EFNA5: variants seen among roughly 807,000 people sequenced by gnomAD.
EFNA5 encodes the protein ephrin A5.
A neutral mutation model predicts 22.9 loss-of-function variants in EFNA5; 5 were observed. That is an observed-to-expected ratio of 0.22 (90% CI 0.11 to 0.46). EFNA5 has a LOEUF of 0.46. Ranked by LOEUF, EFNA5 falls within the 20% of genes least tolerant of loss-of-function variation. EFNA5 has a pLI of 0.99. For missense variants in EFNA5, 237 were observed against 293.3 expected (o/e 0.81, Z 1.40); for synonymous variants, 113 against 112.2 (o/e 1.01, Z -0.04).
intron 1 of EFNA5, among the ~76,000 whole-genome samples, chr5:107,555,187 C>A (rs1338773609): frequency 6.6e-6 from 1 of 152,216 alleles, no homozygotes; most frequent in East Asian, 1.9e-4. Context: ...GCCCACACAC[C>A]AGTTCACATA....
intron 2 of EFNA5, among the ~76,000 whole-genome samples, chr5:107,407,535 A>G (rs1169849003): frequency 6.6e-6 from 1 of 152,194 alleles, no homozygotes; most frequent in Admixed American, 6.5e-5. Flanking sequence ...GGCCAGGGAC[A>G]CTTATCAAAA....
intron 1 of EFNA5, among the ~76,000 whole-genome samples, chr5:107,439,930 T>C (rs1749213211): frequency 6.6e-6 from 1 of 152,246 alleles, no homozygotes; most frequent in African/African-American, 2.4e-5. Context: ...CGAGGTACTT[T>C]GTTAACACCA....
At chr5:107,601,589 T>C (rs530404933) in intron 1 of EFNA5, among the ~76,000 whole-genome samples, 1 of 152,210 alleles carries the variant, frequency 6.6e-6, no homozygotes, top group South Asian at 2.1e-4. Context: ...ACCATCTTTT[T>C]AAAGAAAATA....
rs1329470809 is a variant in EFNA5, at chr5:107,630,520, A to C, written c.125+39969T>G. On this transcript the variant is annotated intron_variant, in intron 1 of 4. Coordinates refer to ENST00000333274, the MANE Select transcript of EFNA5 (RefSeq NM_001962.3). ...TTATAAAAAGATTAAAAAATGGTACACCTATATAGAACATTACCATGAATG... is the reference window on the plus strand; with the variant it reads ...TTATAAAAAGATTAAAAAATGGTACCCCTATATAGAACATTACCATGAATG... Among the ~76,000 whole-genome samples, 3 of 152,026 alleles carry C rather than the reference A, an allele frequency of 2.0e-5. No individual in the cohort carries two copies. In the East Asian group the frequency reaches 5.8e-4, roughly 29 times the overall value.
At chr5:107,617,247 G>GAC (rs1749942348) in intron 1 of EFNA5, among the ~76,000 whole-genome samples, 1 of 150,882 alleles carries the variant, frequency 6.6e-6, no homozygotes, top group African/African-American at 2.4e-5. Flanking sequence ...CAGAGAGAGA[G>GAC]AGAGAGAGAG....
rs182961773 is a variant in EFNA5 at position 107,517,097 on chromosome 5, T to C, written c.126-89588A>G. On this transcript the variant is annotated intron_variant, in intron 1 of 4. Coordinates refer to ENST00000333274, the MANE Select transcript of EFNA5 (RefSeq NM_001962.3). ...CTGTAAATACACTAAAATTCATTGA[T>C]TGTACATTTACACCTCATGAATTTT... Among the ~76,000 whole-genome samples, 46 of 152,116 alleles carry C rather than the reference T, an allele frequency of 3.0e-4. 1 individual carries two copies. The East Asian group carries it at 8.5e-3, about 28-fold the overall frequency.
At chr5:107,499,631 G>A (rs541411027) in intron 1 of EFNA5, among the ~76,000 whole-genome samples, 1 of 152,190 alleles carries the variant, frequency 6.6e-6, no homozygotes, top group African/African-American at 2.4e-5. Flanking sequence ...TGGCCTATAT[G>A]TGCACAGAGA....
At chr5:107,635,341 C>G (rs548535520) in intron 1 of EFNA5, among the ~76,000 whole-genome samples, 11 of 152,264 alleles carry the variant, frequency 7.2e-5, no homozygotes, top group Middle Eastern at 3.4e-3. Context: ...CTTGTCTAGG[C>G]AAAACAAGCT....
intron 1 of EFNA5, among the ~76,000 whole-genome samples, chr5:107,446,640 G>A (rs539599743): frequency 5.7e-4 from 87 of 152,224 alleles, no homozygotes; most frequent in African/African-American, 2.1e-3. Context: ...TGTAGTCCCA[G>A]CTACTCAGGA....
chr5:107,651,657 A>G (rs908328797), intron 1 of EFNA5, among the ~76,000 whole-genome samples: 17 of 117,366 alleles, frequency 1.4e-4, no homozygotes, highest in African/African-American at 5.6e-4. Flanking sequence ...TTTTGTGAAC[A>G]ATGGTTTTTT....
intron 1 of EFNA5, among the ~76,000 whole-genome samples, chr5:107,466,245 G>A (rs887305710): frequency 2.4e-4 from 36 of 152,090 alleles, no homozygotes; most frequent in Non-Finnish European, 7.4e-5. Flanking sequence ...GACAATAGAC[G>A]GCTCATAAGT....
chr5:107,393,103 CA>C (rs1747831591), intron 2 of EFNA5, among the ~76,000 whole-genome samples: 1 of 152,092 alleles, frequency 6.6e-6, no homozygotes, highest in African/African-American at 2.4e-5. Flanking sequence ...TGAGTTGATA[CA>C]AAATGTGAAC....
At chr5:107,445,151 T>C (rs1749356418) in intron 1 of EFNA5, among the ~76,000 whole-genome samples, 1 of 151,842 alleles carries the variant, frequency 6.6e-6, no homozygotes, top group Non-Finnish European at 1.5e-5. Flanking sequence ...GCCTCCCGAG[T>C]AGCTTGGATT....
At chr5:107,433,949 G>C (rs953348720) in intron 1 of EFNA5, among the ~76,000 whole-genome samples, 1 of 151,510 alleles carries the variant, frequency 6.6e-6, no homozygotes, top group Non-Finnish European at 1.5e-5. Context: ...TCTGCAAGAA[G>C]TAAGTCATGA....
At chr5:107,632,367 TA>T (rs1167848257) in intron 1 of EFNA5, among the ~76,000 whole-genome samples, 1 of 152,150 alleles carries the variant, frequency 6.6e-6, no homozygotes, top group Non-Finnish European at 1.5e-5. Context: ...ATAAAAAAAT[TA>T]TAACACGTTA....
At chr5:107,534,064 A>T (rs567300666) in intron 1 of EFNA5, among the ~76,000 whole-genome samples, 1 of 152,342 alleles carries the variant, frequency 6.6e-6, no homozygotes, top group South Asian at 2.1e-4. Flanking sequence ...ACACACAGAA[A>T]TATCAAATAA....
intron 1 of EFNA5, among the ~76,000 whole-genome samples, chr5:107,670,118 C>A (rs1751158919): frequency 6.6e-6 from 1 of 151,656 alleles, no homozygotes. Flanking sequence ...CAGGAAGGAG[C>A]TCCCGGCTGC....
chr5:107,467,800 C>T (rs775685812), intron 1 of EFNA5, among the ~76,000 whole-genome samples: 1 of 152,146 alleles, frequency 6.6e-6, no homozygotes, highest in East Asian at 1.9e-4. Context: ...CTTTCCCAGG[C>T]AGAAGCAGGA....
At chr5:107,604,491 G>A (rs975786524) in intron 1 of EFNA5, among the ~76,000 whole-genome samples, 1 of 152,048 alleles carries the variant, frequency 6.6e-6, no homozygotes, top group African/African-American at 2.4e-5. Flanking sequence ...CTCAGTGAAG[G>A]AAATAACTTA....
Sources: allele counts gnomAD v4.1 joint callset (sites outside exome capture counted in the v4.1 genomes callset), GRCh38; gene constraint gnomAD v4.1.1; transcripts MANE v1.5; gene names NCBI Gene and HGNC (gene_info 2026-07-23, HGNC 2026-07-21).